Variants in MPDZ observed in about 807,000 individuals in gnomAD.
MPDZ encodes the protein multiple PDZ domain crumbs cell polarity complex component.
In MPDZ, 234 loss-of-function variants were observed where a neutral mutation model predicts 239.1. That is an observed-to-expected ratio of 0.98 (90% CI 0.88 to 1.09). The LOEUF is 1.09. MPDZ is among the 50% of genes least tolerant of loss of function. MPDZ has a pLI of 0.00. For synonymous variants in MPDZ, 1,048 were observed against 881.3 expected (o/e 1.19, Z -3.35); for missense variants, 3,175 against 2,510.0 (o/e 1.26, Z -5.66).
rs757860568 is a variant in MPDZ at position 13,136,796 on chromosome 9, C to A, written c.4208G>T (p.Gly1403Val). The change falls in exon 30 of 47, where the codon GGT (glycine) becomes GTT (valine). Residue 1403 changes from glycine to valine, a missense_variant. Transcript: ENST00000319217. ...QIADELLEIN[G>V]QILYGRSHQN... ...ATGACTTCTTCCATATAAAATCTGA[C>A]CATTGATCTGTGAGAAATAAATATC... 1.9e-6 allele frequency: 3 copies of A among 1,585,986 alleles called. No homozygotes were observed. The highest frequency in any genetic ancestry group is 2.3e-5 in the South Asian group (2 of 87,084).
chr9:13,173,010 T>C lies in MPDZ; in HGVS notation c.3055+2742A>G, dbSNP rs78592935. On this transcript the variant is annotated intron_variant, in intron 21 of 46. Coordinates refer to ENST00000319217, the MANE Select transcript of MPDZ (RefSeq NM_001378778.1). ...ACATGGATGAACCTAAAAGACATTA[T>C]ACACAGTCAAATATGGACAAATACT... Among the ~76,000 whole-genome samples, 294 of 152,326 alleles carry C rather than the reference T, an allele frequency of 1.9e-3. 3 individuals are homozygous for C. The highest frequency in any genetic ancestry group is 6.5e-3 in the African/African-American group (272 of 41,590).
At chr9:13,148,633 TC>T (rs1302466290) in intron 25 of MPDZ, among the ~76,000 whole-genome samples, 2 of 152,000 alleles carry the variant, frequency 1.3e-5, no homozygotes, top group Non-Finnish European at 2.9e-5. Flanking sequence ...AGTATTCACA[TC>T]TACCATATGT....
intron 1 of MPDZ, among the ~76,000 whole-genome samples, chr9:13,251,764 G>C (rs190172481): frequency 5.9e-5 from 9 of 152,194 alleles, no homozygotes; most frequent in African/African-American, 2.2e-4. Context: ...AGAACAGTAC[G>C]TATTGATTTG....
At chr9:13,132,700 CTTAA>C (rs775820840) in intron 32 of MPDZ, among the ~76,000 whole-genome samples, 4 of 152,136 alleles carry the variant, frequency 2.6e-5, no homozygotes, top group Non-Finnish European at 4.4e-5. Context: ...ACAATATATA[CTTAA>C]TTCTCACTAC....
At chr9:13,228,884 T>C (rs563356639) in intron 3 of MPDZ, among the ~76,000 whole-genome samples, 3 of 152,286 alleles carry the variant, frequency 2.0e-5, no homozygotes, top group African/African-American at 7.2e-5. Context: ...CAAATAGCTT[T>C]AAAAATGACT....
intron 1 of MPDZ, among the ~76,000 whole-genome samples, chr9:13,254,521 T>A (rs1429682903): frequency 6.6e-6 from 1 of 152,188 alleles, no homozygotes; most frequent in Non-Finnish European, 1.5e-5. Flanking sequence ...TTATTGAGCT[T>A]AATTTGTAAA....
At chr9:13,206,212 G>T in intron 10 of MPDZ, 113 bp from the exon 11 acceptor site, 15 of 964,234 alleles carry the variant, frequency 1.6e-5, no homozygotes, top group Non-Finnish European at 2.2e-5. Context: ...TGGAGAATAA[G>T]TATTCACCTT....
intron 13 of MPDZ, 133 bp from the exon 14 acceptor site, chr9:13,193,446 AC>A: frequency 3.1e-6 from 3 of 982,464 alleles, no homozygotes; most frequent in Non-Finnish European, 4.2e-6. Flanking sequence ...ATATTGTAAA[AC>A]TGCAAAGCTT....
chr9:13,216,516 A>T (rs1458012464), intron 10 of MPDZ, among the ~76,000 whole-genome samples: 1 of 151,934 alleles, frequency 6.6e-6, no homozygotes, highest in African/African-American at 2.4e-5. Context: ...AATTCATTAC[A>T]ACCAGAAATT....
intron 12 of MPDZ, among the ~76,000 whole-genome samples, chr9:13,198,753 G>C (rs1195212270): frequency 5.4e-5 from 8 of 148,064 alleles, no homozygotes; most frequent in South Asian, 2.2e-4. Flanking sequence ...GTGTGTGTGT[G>C]TGTGTGTGTG....
chr9:13,163,607 A>T (rs971118194), intron 22 of MPDZ, among the ~76,000 whole-genome samples: 1 of 152,178 alleles, frequency 6.6e-6, no homozygotes, highest in African/African-American at 2.4e-5. Context: ...TTTTTAAAGT[A>T]AACTGTTTCA....
chr9:13,223,421 A>T (rs940781482), intron 5 of MPDZ, 150 bp downstream of exon 5: 1 of 825,110 alleles, frequency 1.2e-6, no homozygotes, highest in Middle Eastern at 4.1e-4. Flanking sequence ...TTTTATCACA[A>T]CAATGTTAAT....
chr9:13,188,779 C>A lies in MPDZ; in HGVS notation c.2364+5G>T. On this transcript the variant is annotated splice_donor_5th_base_variant and intron_variant, in intron 17 of 46. Transcript: ENST00000319217. ...AAAGGGAAGCAATAAAGTCTGAATT[C>A]TTACGGGTAAAGGCTTAGCAACTCC... The A allele has an allele frequency of 6.2e-7, 1 of 1,608,536 alleles. No individual in the cohort carries two copies. Among genetic ancestry groups the A allele is most frequent in the South Asian group, 1.1e-5 (1 of 90,530 alleles).
intron 40 of MPDZ, among the ~76,000 whole-genome samples, chr9:13,114,396 G>GA (rs1327988045): frequency 6.6e-6 from 1 of 152,168 alleles, no homozygotes; most frequent in Non-Finnish European, 1.5e-5. Flanking sequence ...TAGTAATTTA[G>GA]AAAGTTAGTA....
At chr9:13,185,511 T>C (rs758689817) in intron 18 of MPDZ, among the ~76,000 whole-genome samples, 6 of 152,090 alleles carry the variant, frequency 3.9e-5, no homozygotes, top group Non-Finnish European at 7.4e-5. Flanking sequence ...ACAAAAAACG[T>C]TGAGTAAGGA....
At chr9:13,264,021 T>G (rs1175142836) in intron 1 of MPDZ, among the ~76,000 whole-genome samples, 1 of 152,210 alleles carries the variant, frequency 6.6e-6, no homozygotes, top group Admixed American at 6.5e-5. Flanking sequence ...GAAAGTTTGG[T>G]GAAAATAGTA....
At chr9:13,128,725 T>G (rs970693969) in intron 32 of MPDZ, among the ~76,000 whole-genome samples, 1 of 152,232 alleles carries the variant, frequency 6.6e-6, no homozygotes, top group Non-Finnish European at 1.5e-5. Flanking sequence ...TGATCTGAAT[T>G]GATTCAATTA....
chr9:13,159,911 G>C (rs1950264084), intron 23 of MPDZ, among the ~76,000 whole-genome samples: 1 of 152,138 alleles, frequency 6.6e-6, no homozygotes, highest in Admixed American at 6.6e-5. Flanking sequence ...AGCCAAGAAA[G>C]AAGTCAATCA....
intron 46 of MPDZ, among the ~76,000 whole-genome samples, chr9:13,108,515 C>T (rs549675807): frequency 1.3e-5 from 2 of 151,928 alleles, no homozygotes; most frequent in East Asian, 3.9e-4. Flanking sequence ...TATTAATTTT[C>T]ATGTGTACTT....
Sources: gnomAD v4.1 joint callset for allele counts (sites outside exome capture counted in the v4.1 genomes callset) on GRCh38, gnomAD v4.1.1 for gene constraint, MANE v1.5 for transcripts, NCBI Gene and HGNC (gene_info 2026-07-23, HGNC 2026-07-21) for gene names.